The following DIP2C variants were observed in gnomAD, a reference collection of about 807,000 sequenced individuals.
DIP2C encodes disco-interacting protein 2 homolog C.
Under a neutral mutation model 192.4 loss-of-function variants are expected in DIP2C, and 33 were observed. That is an observed-to-expected ratio of 0.17 (90% CI 0.13 to 0.23). The LOEUF is 0.23. DIP2C is among the 10% of genes least tolerant of loss of function. The pLI, the probability that DIP2C is intolerant of heterozygous loss-of-function variation, is 1.00. For synonymous variants in DIP2C, 979 were observed against 864.1 expected (o/e 1.13, Z -2.33); for missense variants, 1,537 against 2,110.1 (o/e 0.73, Z 5.32).
At chr10:391,817 T>C (rs985128726) in intron 10 of DIP2C, among the ~76,000 whole-genome samples, 8 of 152,184 alleles carry the variant, frequency 5.3e-5, no homozygotes, top group African/African-American at 1.9e-4. Flanking sequence ...CTGTGGATCT[T>C]CCCACCTGTT....
Position 472,564 on chromosome 10 carries a change from A to C in DIP2C, c.158-15T>G, listed in dbSNP as rs930769299. 38 of 1,608,136 alleles carry C rather than the reference A, an allele frequency of 2.4e-5. No individual in the cohort carries two copies. Among genetic ancestry groups the C allele is most frequent in the Non-Finnish European group, 3.0e-5 (35 of 1,175,388 alleles). On this transcript the variant is annotated splice_polypyrimidine_tract_variant and intron_variant, in intron 2 of 36. Coordinates refer to ENST00000280886, the MANE Select transcript of DIP2C (RefSeq NM_014974.3). The stretch of plus-strand genomic sequence containing the variant: ...TTGGTCCACCCCTGGATTTCAATAA[A>C]AACAGCAGAGTGAGGTGTGACTGTA...
chr10:482,716 A>C (rs1244394198), intron 2 of DIP2C, among the ~76,000 whole-genome samples: 1 of 152,182 alleles, frequency 6.6e-6, no homozygotes, highest in African/African-American at 2.4e-5. Flanking sequence ...TTTACTCTCT[A>C]AATCTCCACG....
At chr10:370,315 C>G (rs988384591) in intron 17 of DIP2C, among the ~76,000 whole-genome samples, 10 of 152,230 alleles carry the variant, frequency 6.6e-5, no homozygotes, top group African/African-American at 2.4e-4. Context: ...TGGGGCCCAC[C>G]CCACCTCCTC....
At chr10:392,809 ACT>A (rs546670015) in intron 10 of DIP2C, among the ~76,000 whole-genome samples, 204 of 146,768 alleles carry the variant, frequency 1.4e-3, no homozygotes, top group African/African-American at 5.2e-3. Flanking sequence ...GGATGCGCAC[ACT>A]CAGCGCACAC....
rs1854856122 is a variant in DIP2C, at chr10:636,543, A to G, written c.85+52951T>C. On this transcript the variant is annotated intron_variant, in intron 1 of 36. Transcript: ENST00000280886. This position sits in a 1 kb window ranked among gnomAD's most constrained non-coding sequence, Gnocchi z 4.6. Reference sequence around the variant, plus strand: ...TCCCTAAGAATAAAGGACCCTCTGCAGCCGCAGAACCATCATCGGCAGACA... The same window carrying G: ...TCCCTAAGAATAAAGGACCCTCTGCGGCCGCAGAACCATCATCGGCAGACA... Among the ~76,000 whole-genome samples the G allele has an allele frequency of 6.6e-6, 1 of 152,180 alleles. No individual in the cohort carries two copies. Among genetic ancestry groups the G allele is most frequent in the African/African-American group, 2.4e-5 (1 of 41,436 alleles).
chr10:527,787 A>C (rs147622045), intron 1 of DIP2C, among the ~76,000 whole-genome samples: 2,408 of 152,320 alleles, frequency 0.016, 21 homozygotes, highest in Middle Eastern at 0.041. Context: ...GAAAATCCAT[A>C]AGAAAGTCAA....
chr10:425,422 CCAG>C (rs1340138729), intron 4 of DIP2C, among the ~76,000 whole-genome samples: 4 of 148,620 alleles, frequency 2.7e-5, no homozygotes, highest in Non-Finnish European at 5.9e-5. Context: ...TACGGCATGA[CCAG>C]CAGTGACTAA....
intron 26 of DIP2C, among the ~76,000 whole-genome samples, chr10:346,472 G>A (rs866669034): frequency 1.6e-4 from 18 of 114,098 alleles, no homozygotes; most frequent in South Asian, 7.0e-4. Flanking sequence ...GACACATCGC[G>A]CATAGTTCTC....
rs1847734034 is a variant in DIP2C at position 537,074 on chromosome 10, G to C, written c.86-50544C>G. 2.0e-5 allele frequency among the ~76,000 whole-genome samples: 3 copies of C among 152,212 alleles called. No homozygotes were observed. The South Asian group carries it at 6.2e-4, about 32-fold the overall frequency. ...TGCACCCTGTCAGGCAGCCTGAAGGGACTCACCCAGGTCCCAGGTGAAGTC... is the reference window on the plus strand; with the variant it reads ...TGCACCCTGTCAGGCAGCCTGAAGGCACTCACCCAGGTCCCAGGTGAAGTC... On this transcript the variant is annotated intron_variant, in intron 1 of 36. Transcript: ENST00000280886.
intron 32 of DIP2C, among the ~76,000 whole-genome samples, chr10:302,251 T>G (rs1956088108): frequency 6.6e-6 from 1 of 152,106 alleles, no homozygotes; most frequent in Non-Finnish European, 1.5e-5. Context: ...ATCCTCCTAA[T>G]GACTCTAGGA....
At chr10:287,325 T>C (rs1411833687) in intron 33 of DIP2C, among the ~76,000 whole-genome samples, 1 of 152,224 alleles carries the variant, frequency 6.6e-6, no homozygotes, top group Non-Finnish European at 1.5e-5. Context: ...ATCAAAGGTT[T>C]ATTCTGGAAA....
intron 32 of DIP2C, among the ~76,000 whole-genome samples, chr10:294,613 G>C (rs907612361): frequency 1.4e-5 from 2 of 147,892 alleles, no homozygotes; most frequent in East Asian, 1.9e-4. Context: ...AAAAAAAAAA[G>C]AGAAGAAAAA....
chr10:670,151 T>A (rs770650075), intron 1 of DIP2C, among the ~76,000 whole-genome samples: 6 of 151,948 alleles, frequency 3.9e-5, no homozygotes, highest in African/African-American at 1.5e-4. Flanking sequence ...CGTGTACACA[T>A]ATGCACGTGC....
intron 9 of DIP2C, among the ~76,000 whole-genome samples, chr10:400,989 T>C (rs199868530): frequency 0.42 from 37,081 of 88,332 alleles, 8,324 homozygotes; most frequent in South Asian, 0.53. Context: ...AAGTTTGGTA[T>C]GTGTTCATCA....
At chr10:581,303 T>C (rs1850641452) in intron 1 of DIP2C, among the ~76,000 whole-genome samples, 1 of 152,216 alleles carries the variant, frequency 6.6e-6, no homozygotes, top group Admixed American at 6.5e-5. Context: ...CCCAACTTTC[T>C]AAATGAGAGA....
At chr10:537,764 A>G (rs1027576315) in intron 1 of DIP2C, among the ~76,000 whole-genome samples, 6 of 151,998 alleles carry the variant, frequency 3.9e-5, no homozygotes, top group South Asian at 2.1e-4. Context: ...GGTCTCCCTA[A>G]ATATCGAGCA....
At chr10:545,908 T>G (rs1228464042) in intron 1 of DIP2C, among the ~76,000 whole-genome samples, 1 of 152,202 alleles carries the variant, frequency 6.6e-6, no homozygotes, top group Admixed American at 6.5e-5. Flanking sequence ...GGACAATTTG[T>G]TGTCGGTTTA....
At chr10:640,209 C>A (rs1855094677) in intron 1 of DIP2C, among the ~76,000 whole-genome samples, 1 of 152,248 alleles carries the variant, frequency 6.6e-6, no homozygotes, top group African/African-American at 2.4e-5. Flanking sequence ...GTCCCCACGG[C>A]TGGCGGGGCT....
At position 586,212 on chromosome 10, in the gene DIP2C, T is replaced by C. The variant is rs1009836903; in HGVS notation, c.86-99682A>G. Among the ~76,000 whole-genome samples the C allele has an allele frequency of 5.9e-5, 9 of 152,044 alleles. No homozygotes were observed. In the East Asian group the frequency reaches 1.7e-3, roughly 29 times the overall value. ...ATTGTGCTGAGCCTCTGAAAGAAAA[T>C]GGAAACACACATGGGAAGGCCCTGC... On this transcript the variant is annotated intron_variant, in intron 1 of 36. Coordinates refer to ENST00000280886, the MANE Select transcript of DIP2C (RefSeq NM_014974.3).
Sources: allele counts gnomAD v4.1 joint callset (sites outside exome capture counted in the v4.1 genomes callset), GRCh38; gene constraint gnomAD v4.1.1; non-coding constraint Gnocchi (gnomAD v3.1); transcripts MANE v1.5; gene names NCBI Gene and HGNC (gene_info 2026-07-23, HGNC 2026-07-21).